Variants in SLC36A1 observed in about 807,000 individuals in gnomAD.
The protein encoded by SLC36A1 is proton-coupled amino acid transporter 1.
In SLC36A1, 30 loss-of-function variants were observed where a neutral mutation model predicts 47.5. That is an observed-to-expected ratio of 0.63 (90% confidence interval 0.47 to 0.86). The LOEUF (loss-of-function observed/expected upper bound fraction) is 0.86. Ranked by LOEUF, SLC36A1 falls within the 40% of genes least tolerant of loss-of-function variation. The pLI is 0.00. For missense variants in SLC36A1, 517 were observed against 606.0 expected, an observed-to-expected ratio of 0.85 and a Z score of 1.54; for synonymous variants, 255 against 249.7, an observed-to-expected ratio of 1.02 and a Z score of -0.20.
At chr5:151,390,202 C>T in the SLC36A1 span, among the ~76,000 whole-genome samples, 75,167 of 151,718 alleles carry the variant, frequency 0.5, 20,574 homozygotes, top group African/African-American at 0.75. Context: ...GCTGCAGAAA[C>T]TCCTTCTTTT....
the SLC36A1 span, among the ~76,000 whole-genome samples, chr5:151,427,582 G>A: frequency 6.6e-6 from 1 of 152,222 alleles, no homozygotes; most frequent in East Asian, 1.9e-4. Context: ...AAGTTGTCAG[G>A]GGCCAGGAAA....
the SLC36A1 span, chr5:151,505,837 G>A: frequency 5.0e-6 from 8 of 1,612,508 alleles, no homozygotes; most frequent in East Asian, 2.2e-5. Context: ...AGGCGCTCCC[G>A]GGGACTAGGG....
the SLC36A1 span, among the ~76,000 whole-genome samples, chr5:151,377,381 C>T: frequency 3.0e-5 from 4 of 131,378 alleles, no homozygotes; most frequent in Non-Finnish European, 6.2e-5. Context: ...CGGAGTTTCG[C>T]TCTGTCGCCC....
At chr5:151,527,304 G>A in the SLC36A1 span, 28 of 1,613,688 alleles carry the variant, frequency 1.7e-5, 1 homozygote, top group South Asian at 2.6e-4. Context: ...CACTTGGATA[G>A]CGATGTCTGT....
intron 7 of SLC36A1, among the ~76,000 whole-genome samples, chr5:151,473,169 T>G (rs1179263402): frequency 6.9e-6 from 1 of 144,524 alleles, no homozygotes; most frequent in Non-Finnish European, 1.5e-5. Flanking sequence ...AAGGAGACTC[T>G]GTCTCTAGAT....
chr5:151,377,340 T>C, the SLC36A1 span, among the ~76,000 whole-genome samples: 7 of 145,460 alleles, frequency 4.8e-5, no homozygotes, highest in African/African-American at 1.8e-4. Flanking sequence ...TGTATTGCTG[T>C]CTCTTTCTTT....
At chr5:151,375,409 A>G in the SLC36A1 span, among the ~76,000 whole-genome samples, 2 of 151,912 alleles carry the variant, frequency 1.3e-5, no homozygotes, top group African/African-American at 4.8e-5. Context: ...ATTCTGTTCC[A>G]TTGGTCTTTG....
the SLC36A1 span, among the ~76,000 whole-genome samples, chr5:151,381,593 T>C: frequency 6.6e-6 from 1 of 152,190 alleles, no homozygotes; most frequent in African/African-American, 2.4e-5. Context: ...ATTCTGACCC[T>C]CCATAAACTG....
At chr5:151,522,094 C>T in the SLC36A1 span, 1 of 1,566,430 alleles carries the variant, frequency 6.4e-7, no homozygotes, top group South Asian at 1.2e-5. Context: ...CGCCTGTGGG[C>T]AAAACAAACA....
chr5:151,477,730 G>A (rs1313443146), intron 9 of SLC36A1, among the ~76,000 whole-genome samples: 2 of 152,206 alleles, frequency 1.3e-5, no homozygotes, highest in Non-Finnish European at 2.9e-5. Context: ...TATCCATCTT[G>A]TGTCTACTTT....
the SLC36A1 span, among the ~76,000 whole-genome samples, chr5:151,373,078 G>A: frequency 6.6e-6 from 1 of 151,756 alleles, no homozygotes; most frequent in Non-Finnish European, 1.5e-5. Flanking sequence ...AATATTTGAA[G>A]AAAAAAAGAA....
chr5:151,510,101 T>C, the SLC36A1 span: 1 of 1,614,162 alleles, frequency 6.2e-7, no homozygotes, highest in East Asian at 2.2e-5. Flanking sequence ...CCAGGCAGGG[T>C]GCAAAAGTAC....
the SLC36A1 span, among the ~76,000 whole-genome samples, chr5:151,354,306 A>T: frequency 6.6e-6 from 1 of 152,224 alleles, no homozygotes. Context: ...TCTGTCTCAA[A>T]TAAACAAAGA....
At chr5:151,439,834 GGA>G (rs1206061656) in intron 1 of SLC36A1, among the ~76,000 whole-genome samples, 2 of 152,064 alleles carry the variant, frequency 1.3e-5, no homozygotes, top group Non-Finnish European at 2.9e-5. Context: ...TTACTTTATA[GGA>G]GACACCCTCC....
chr5:151,477,851 C>T (rs1482392411), intron 9 of SLC36A1, among the ~76,000 whole-genome samples: 1 of 152,162 alleles, frequency 6.6e-6, no homozygotes, highest in Non-Finnish European at 1.5e-5. Flanking sequence ...ACAGAAGCAG[C>T]CCACATGATC....
At chr5:151,553,410 A>G in the SLC36A1 span, 1 of 1,609,508 alleles carries the variant, frequency 6.2e-7, no homozygotes, top group Non-Finnish European at 8.5e-7. Context: ...CAACACCAAA[A>G]CTGAGGTTTG....
At chr5:151,421,428 A>C in the SLC36A1 span, among the ~76,000 whole-genome samples, 1 of 148,808 alleles carries the variant, frequency 6.7e-6, no homozygotes, top group East Asian at 2.0e-4. Context: ...TTTTTTGTAG[A>C]GATGGGGTTT....
At chr5:151,536,884 C>T in the SLC36A1 span, among the ~76,000 whole-genome samples, 1 of 152,284 alleles carries the variant, frequency 6.6e-6, no homozygotes, top group Admixed American at 6.5e-5. Context: ...ATTCTTTGTC[C>T]TCTCTCCTCC....
chr5:151,528,042 G>A, the SLC36A1 span: 1 of 1,614,178 alleles, frequency 6.2e-7, no homozygotes, highest in Non-Finnish European at 8.5e-7. Flanking sequence ...CCCCTTTTTG[G>A]GGTGAATGGT....
Sources: gnomAD v4.1 joint callset for allele counts (sites outside exome capture counted in the v4.1 genomes callset) on GRCh38, gnomAD v4.1.1 for gene constraint, MANE v1.5 for transcripts, NCBI Gene and HGNC (gene_info 2026-07-23, HGNC 2026-07-21) for gene names.